UGT1A10: variants seen among roughly 807,000 people sequenced by gnomAD.
UGT1A10 encodes the protein UDP-glucuronosyltransferase 1A10.
A neutral mutation model predicts 45.8 loss-of-function variants in UGT1A10; 49 were observed. The ratio of observed to expected loss-of-function variants is 1.07; its 90% CI spans 0.85 to 1.36. The LOEUF (loss-of-function observed/expected upper bound fraction) is 1.36. UGT1A10 is among the 40% of genes most tolerant of loss of function. The pLI, the probability that UGT1A10 is intolerant of heterozygous loss-of-function variation, is 0.00. For synonymous variants in UGT1A10, 284 were observed against 249.7 expected, an observed-to-expected ratio of 1.14 and a Z score of -1.29; for missense variants, 745 against 668.6, an observed-to-expected ratio of 1.11 and a Z score of -1.26.
chr2:233,660,365 A>G (rs1383977195), intron 1 of UGT1A10, among the ~76,000 whole-genome samples: 1 of 152,180 alleles, frequency 6.6e-6, no homozygotes, highest in Non-Finnish European at 1.5e-5. Context: ...GGACATGGAG[A>G]CCACTTTGGC....
chr2:233,665,594 G>A (rs1187552932), intron 1 of UGT1A10, among the ~76,000 whole-genome samples: 1 of 152,216 alleles, frequency 6.6e-6, no homozygotes, highest in Non-Finnish European at 1.5e-5. Flanking sequence ...AGGAGAAACA[G>A]TTTAGCATTG....
chr2:233,716,529 A>T (rs1261815071), intron 1 of UGT1A10, among the ~76,000 whole-genome samples: 1 of 152,154 alleles, frequency 6.6e-6, no homozygotes, highest in Non-Finnish European at 1.5e-5. Flanking sequence ...CCATTCAATT[A>T]TCTCCTTTCT....
chr2:233,701,815 T>C (rs569445521), intron 1 of UGT1A10, among the ~76,000 whole-genome samples: 1 of 152,210 alleles, frequency 6.6e-6, no homozygotes, highest in South Asian at 2.1e-4. Flanking sequence ...AGACACAACA[T>C]ACCAGAATCT....
chr2:233,712,907 A>C, intron 1 of UGT1A10: 1 of 1,610,566 alleles, frequency 6.2e-7, no homozygotes, highest in Non-Finnish European at 8.5e-7. Flanking sequence ...TAGGTGTCTC[A>C]GTGACAAGGT....
intron 1 of UGT1A10, chr2:233,742,758 T>C (rs1302155264): frequency 1.3e-5 from 2 of 153,094 alleles, no homozygotes. Flanking sequence ...AATATTAAGA[T>C]AATAAATGCA....
intron 1 of UGT1A10, among the ~76,000 whole-genome samples, chr2:233,659,283 A>C (rs911399168): frequency 1.3e-5 from 2 of 152,218 alleles, no homozygotes; most frequent in Non-Finnish European, 2.9e-5. Flanking sequence ...TAAAATCCAC[A>C]TATCATTTTG....
chr2:233,640,999 C>T (rs2073437147), intron 1 of UGT1A10, among the ~76,000 whole-genome samples: 1 of 152,104 alleles, frequency 6.6e-6, no homozygotes, highest in Non-Finnish European at 1.5e-5. Flanking sequence ...CATAATCTTC[C>T]TGCACCCAGC....
Position 233,769,738 on chromosome 2 carries a change from C to G in UGT1A10, c.1295+1299C>G. 1 of 1,454,300 alleles carries G rather than the reference C, an allele frequency of 6.9e-7. No individual in the cohort carries two copies. The highest frequency in any genetic ancestry group is 9.1e-7 in the Non-Finnish European group (1 of 1,102,384). The allele number at this position is 1,454,300 out of a possible 1,614,324, so 90.1% of individuals were successfully genotyped here. On this transcript the variant is annotated intron_variant, in intron 4 of 4. Transcript: ENST00000344644. The surrounding 1 kb of genome is among the most constrained non-coding windows in gnomAD (Gnocchi z 4.4). ...GGCACCATGGCACACGCCTGTAGTC[C>G]CAGCCACTCTGGAGGCTAAGGCGGG...
intron 1 of UGT1A10, chr2:233,713,770 A>C: frequency 1.9e-6 from 3 of 1,613,732 alleles, no homozygotes; most frequent in Non-Finnish European, 2.5e-6. Flanking sequence ...TTCCGAGGGG[A>C]CTTTGTGATG....
intron 1 of UGT1A10, among the ~76,000 whole-genome samples, chr2:233,765,655 G>A (rs1698901056): frequency 6.6e-6 from 1 of 151,526 alleles, no homozygotes; most frequent in African/African-American, 2.4e-5. Context: ...AATAGGTGCA[G>A]CAAACCACCA....
chr2:233,716,651 C>T (rs6744284), intron 1 of UGT1A10, among the ~76,000 whole-genome samples: 57,476 of 151,882 alleles, frequency 0.38, 12,088 homozygotes, highest in African/African-American at 0.57. Flanking sequence ...ACTTTTTGTA[C>T]CCTAAGGAAG....
intron 1 of UGT1A10, among the ~76,000 whole-genome samples, chr2:233,745,254 T>TA (rs1247734907): frequency 2.6e-5 from 4 of 151,822 alleles, no homozygotes; most frequent in African/African-American, 9.7e-5. Flanking sequence ...TCGAAACCAT[T>TA]AAGACTTGCA....
chr2:233,721,810 C>A (rs559553943), intron 1 of UGT1A10: 84 of 514,692 alleles, frequency 1.6e-4, no homozygotes, highest in Non-Finnish European at 3.0e-4. Flanking sequence ...CAGCAAAAAT[C>A]CAGCACCCTA....
chr2:233,731,097 CT>C (rs1455789609), intron 1 of UGT1A10, among the ~76,000 whole-genome samples: 1 of 151,946 alleles, frequency 6.6e-6, no homozygotes, highest in South Asian at 2.1e-4. Flanking sequence ...ATTTCTGTGC[CT>C]TTTTTATAAA....
chr2:233,725,586 A>C (rs1194596370), intron 1 of UGT1A10, among the ~76,000 whole-genome samples: 1 of 152,166 alleles, frequency 6.6e-6, no homozygotes, highest in Non-Finnish European at 1.5e-5. Flanking sequence ...TTATGACTTA[A>C]CTATTTGACA....
chr2:233,659,407 G>T (rs2073922138), intron 1 of UGT1A10, among the ~76,000 whole-genome samples: 1 of 152,104 alleles, frequency 6.6e-6, no homozygotes. Flanking sequence ...CTGTATTATT[G>T]TAATAAAGTC....
chr2:233,638,067 G>A (rs1014566299), intron 1 of UGT1A10, among the ~76,000 whole-genome samples: 4 of 151,984 alleles, frequency 2.6e-5, no homozygotes, highest in African/African-American at 9.7e-5. Flanking sequence ...CTATATTCTT[G>A]CTTTTATCTT....
At chr2:233,688,018 A>G (rs1393583749) in intron 1 of UGT1A10, among the ~76,000 whole-genome samples, 7 of 152,374 alleles carry the variant, frequency 4.6e-5, no homozygotes, top group Non-Finnish European at 8.8e-5. Flanking sequence ...ACAATCAACC[A>G]TCACCAATAT....
intron 1 of UGT1A10, chr2:233,756,296 T>C (rs1295271846): frequency 6.6e-6 from 1 of 152,242 alleles, no homozygotes; most frequent in Non-Finnish European, 1.5e-5. Flanking sequence ...ACAGTATTTG[T>C]ATATAACCTA....
Sources: allele counts gnomAD v4.1 joint callset (sites outside exome capture counted in the v4.1 genomes callset), GRCh38; gene constraint gnomAD v4.1.1; non-coding constraint Gnocchi (gnomAD v3.1); transcripts MANE v1.5; gene names NCBI Gene and HGNC (gene_info 2026-07-23, HGNC 2026-07-21).